ALPK1: variants seen among roughly 807,000 people sequenced by gnomAD.
ALPK1 encodes the protein alpha-protein kinase 1.
In ALPK1, 110 loss-of-function variants were observed where a neutral mutation model predicts 120.6. That is an observed-to-expected ratio of 0.91 (90% CI 0.78 to 1.07). The LOEUF (loss-of-function observed/expected upper bound fraction) is 1.07. ALPK1 is among the 50% of genes least tolerant of loss of function. ALPK1 has a pLI of 0.00. For synonymous variants in ALPK1, 582 were observed against 560.3 expected, an observed-to-expected ratio of 1.04 and a Z score of -0.55; for missense variants, 1,498 against 1,483.9, an observed-to-expected ratio of 1.01 and a Z score of -0.16.
At chr4:112,367,988 G>A (rs1286983811) in intron 2 of ALPK1, among the ~76,000 whole-genome samples, 2 of 152,062 alleles carry the variant, frequency 1.3e-5, no homozygotes, top group Non-Finnish European at 2.9e-5. Context: ...TCCAACCTCT[G>A]GCTCCCAGGT....
intron 4 of ALPK1, chr4:112,383,278 T>G (rs928467706): frequency 4.0e-5 from 6 of 150,146 alleles, no homozygotes; most frequent in African/African-American, 5.0e-5. Flanking sequence ...GAAGAAAGCT[T>G]GCTAATTTAT....
At chr4:112,376,268 A>G (rs1410984691) in intron 2 of ALPK1, among the ~76,000 whole-genome samples, 1 of 152,174 alleles carries the variant, frequency 6.6e-6, no homozygotes, top group Non-Finnish European at 1.5e-5. Flanking sequence ...TTCAAGTAAC[A>G]CAAATTTTGT....
intron 2 of ALPK1, among the ~76,000 whole-genome samples, chr4:112,367,503 C>T (rs923547476): frequency 3.3e-5 from 5 of 152,070 alleles, no homozygotes; most frequent in South Asian, 2.1e-4. Flanking sequence ...CAACTATTTA[C>T]ATTAGGTATC....
rs774922360 is a variant in ALPK1, at chr4:112,429,246, C to G, written c.893C>G (p.Thr298Arg). The G allele has an allele frequency of 6.2e-7, 1 of 1,611,344 alleles. No homozygotes were observed. Among genetic ancestry groups the G allele is most frequent in the Non-Finnish European group, 8.5e-7 (1 of 1,179,388 alleles). Residue 298 changes from threonine (T) to arginine (R), a missense_variant, in exon 10 of 16, where the codon ACA becomes AGA. By Grantham distance (71) the Thr-to-Arg change is moderately conservative. Transcript: ENST00000650871. The stretch of plus-strand genomic sequence containing the variant: ...GCCTATACGCCGCTCTTCGTGCTCA[C>G]AGCTGTGGTAAACGAATGCAGCCGC... ...FSAYTPLFVL[T>R]AVNIRGTCLL...
chr4:112,426,430 C>A, intron 7 of ALPK1, 37 bp from the exon 8 acceptor site: 1 of 1,542,232 alleles, frequency 6.5e-7, no homozygotes, highest in South Asian at 1.1e-5. Context: ...AGCTGTTCCT[C>A]CCCTGTCCCT....
At chr4:112,435,785 G>T (rs1734766392) in intron 12 of ALPK1, among the ~76,000 whole-genome samples, 1 of 152,234 alleles carries the variant, frequency 6.6e-6, no homozygotes, top group Non-Finnish European at 1.5e-5. Context: ...TGAGGCAGGG[G>T]TGGAGTGAGG....
At chr4:112,383,826 AT>A (rs1302060987) in intron 4 of ALPK1, 2 of 152,208 alleles carry the variant, frequency 1.3e-5, no homozygotes, top group Non-Finnish European at 2.9e-5. Flanking sequence ...TTAAAAATGC[AT>A]TTACTACACC....
intron 2 of ALPK1, chr4:112,358,005 AG>A: frequency 1.5e-6 from 1 of 647,864 alleles, no homozygotes; most frequent in South Asian, 1.5e-5. Flanking sequence ...AACACTAGCG[AG>A]GGGCTGGACT....
At chr4:112,404,719 TG>T (rs1733087831) in intron 4 of ALPK1, among the ~76,000 whole-genome samples, 1 of 152,258 alleles carries the variant, frequency 6.6e-6, no homozygotes, top group African/African-American at 2.4e-5. Context: ...AATTTTTGAC[TG>T]AATGCCAGAT....
At chr4:112,399,154 A>G (rs1381166494) in intron 4 of ALPK1, among the ~76,000 whole-genome samples, 1 of 152,152 alleles carries the variant, frequency 6.6e-6, no homozygotes, top group Non-Finnish European at 1.5e-5. Flanking sequence ...GCCATGGTAC[A>G]GGCTGAGTGT....
intron 2 of ALPK1, among the ~76,000 whole-genome samples, chr4:112,316,545 T>C (rs1728640803): frequency 6.6e-6 from 1 of 152,188 alleles, no homozygotes; most frequent in Non-Finnish European, 1.5e-5. Flanking sequence ...CTAGATCATA[T>C]GGTAATTCTA....
intron 2 of ALPK1, among the ~76,000 whole-genome samples, chr4:112,369,649 C>T (rs1731315248): frequency 2.0e-5 from 3 of 152,058 alleles, no homozygotes; most frequent in Admixed American, 2.0e-4. Context: ...CACCACTCCA[C>T]TCCAGCCTGG....
Position 112,424,209 on chromosome 4 carries a change from A to AAAG in ALPK1, c.535+206_535+207insAAG, listed in dbSNP as rs376312076. On this transcript the variant is annotated intron_variant, in intron 6 of 15. Coordinates refer to ENST00000650871, the MANE Select transcript of ALPK1 (RefSeq NM_025144.4). The stretch of plus-strand genomic sequence containing the variant: ...TGTTTTCTCTAAGTTAAAAAAAAAA[A>AAAG]CAACAAAGACAAGGAACCTACTATT... 2.0e-5 allele frequency among the ~76,000 whole-genome samples: 3 copies of AAAG among 146,684 alleles called. No homozygotes were observed. The East Asian group carries it at 6.2e-4, about 30-fold the overall frequency.
intron 1 of ALPK1, among the ~76,000 whole-genome samples, chr4:112,304,483 C>T (rs1285705969): frequency 6.6e-6 from 1 of 152,076 alleles, no homozygotes; most frequent in Non-Finnish European, 1.5e-5. Context: ...TTTTCATTTG[C>T]ATTTCTCTGA....
At chr4:112,300,498 T>G (rs1472658550) in intron 1 of ALPK1, among the ~76,000 whole-genome samples, 1 of 152,070 alleles carries the variant, frequency 6.6e-6, no homozygotes, top group Non-Finnish European at 1.5e-5. Flanking sequence ...TTCCTTCTTT[T>G]TATTTGGCAT....
intron 4 of ALPK1, among the ~76,000 whole-genome samples, chr4:112,388,623 CAA>C (rs11409574): frequency 0.39 from 50,463 of 128,584 alleles, 8,614 homozygotes; most frequent in East Asian, 0.57. Flanking sequence ...CATCAAGTTG[CAA>C]AAAAAAAAAA....
At chr4:112,350,303 G>T (rs1295205388) in intron 2 of ALPK1, among the ~76,000 whole-genome samples, 1 of 152,146 alleles carries the variant, frequency 6.6e-6, no homozygotes, top group Admixed American at 6.5e-5. Context: ...GTTGCAAAAC[G>T]ATCCTTAATC....
At chr4:112,412,366 G>A in intron 5 of ALPK1, 1 of 495,872 alleles carries the variant, frequency 2.0e-6, no homozygotes, top group Non-Finnish European at 3.9e-6. Flanking sequence ...TCTTTAAAAA[G>A]CAGATTAGAA....
At position 112,431,295 on chromosome 4, in the gene ALPK1, G is replaced by T; in HGVS notation, c.1748G>T (p.Trp583Leu). Residue 583 changes from tryptophan (W) to leucine (L), a missense_variant, in exon 11 of 16, where the codon TGG becomes TTG. Physicochemically the swap from Trp to Leu is moderately conservative, Grantham distance 61 (BLOSUM62 -2). Coordinates refer to ENST00000650871, the MANE Select transcript of ALPK1 (RefSeq NM_025144.4). ...AGTGGCAGCCAGACTTCCAGTGCTTGGAGCAACTTATCAGGGTTTAGTTCC... is the reference window on the plus strand; with the variant it reads ...AGTGGCAGCCAGACTTCCAGTGCTTTGAGCAACTTATCAGGGTTTAGTTCC... ...SLSGSQTSSA[W>L]SNLSGFSSSA... 4 of 1,614,196 alleles carry T rather than the reference G, an allele frequency of 2.5e-6. No individual in the cohort carries two copies. The highest frequency in any genetic ancestry group is 3.4e-6 in the Non-Finnish European group (4 of 1,180,036).
Sources: gnomAD v4.1 joint callset for allele counts (sites outside exome capture counted in the v4.1 genomes callset) on GRCh38, gnomAD v4.1.1 for gene constraint, MANE v1.5 for transcripts, NCBI Gene and HGNC (gene_info 2026-07-23, HGNC 2026-07-21) for gene names.